RIN2: variants seen among roughly 807,000 people sequenced by gnomAD.
RIN2 encodes the protein RAB5 interacting protein 2.
A neutral mutation model predicts 78.0 loss-of-function variants in RIN2; 36 were observed. That is an observed-to-expected ratio of 0.46 (90% CI 0.35 to 0.61). The LOEUF is 0.61. Among genes scored for constraint, RIN2 ranks in the 20% least tolerant of loss-of-function variants. The pLI is 0.00. For missense variants in RIN2, 1,087 were observed against 1,159.7 expected (o/e 0.94, Z 0.91); for synonymous variants, 466 against 466.8 (o/e 1.00, Z 0.02).
rs202076384 is a variant in RIN2, at chr20:20,000,875, T to C, written c.2627T>C (p.Ile876Thr). 1,602 of 1,613,948 alleles carry C rather than the reference T, an allele frequency of 9.9e-4. No homozygotes were observed. The highest frequency in any genetic ancestry group is 1.2e-3 in the Non-Finnish European group (1,405 of 1,179,892). ...ATCTTCCACTTTGTCTACAAACGCA[T>C]CAAGAACGATCCTTATGGCATCATT... Reference protein sequence around the residue: ...PHIFHFVYKRIKNDPYGIIFQ... With the variant: ...PHIFHFVYKRTKNDPYGIIFQ... The change falls in exon 13 of 13, where the codon ATC becomes ACC. Residue 876 changes from isoleucine to threonine, a missense_variant. Coordinates refer to ENST00000255006, the MANE Select transcript of RIN2 (RefSeq NM_018993.4).
At chr20:19,851,321 G>A (rs1241508298) in intron 2 of RIN2, among the ~76,000 whole-genome samples, 1 of 152,144 alleles carries the variant, frequency 6.6e-6, no homozygotes, top group Non-Finnish European at 1.5e-5. Flanking sequence ...GATTTGCAGT[G>A]TCAGGGGTTC....
At chr20:19,990,397 A>G (rs1462573275) in intron 10 of RIN2, 86 bp downstream of exon 10, 1 of 1,302,954 alleles carries the variant, frequency 7.7e-7, no homozygotes, top group African/African-American at 1.5e-5. Context: ...TCTGATTCCC[A>G]ATTTCTCCTC....
At chr20:19,788,847 T>C (rs764650153) in intron 1 of RIN2, among the ~76,000 whole-genome samples, 1 of 152,232 alleles carries the variant, frequency 6.6e-6, no homozygotes, top group Non-Finnish European at 1.5e-5. Flanking sequence ...CCCAAAGTGA[T>C]CTACGGACTC....
chr20:19,834,475 C>A (rs1371170088), intron 2 of RIN2, among the ~76,000 whole-genome samples: 2 of 152,134 alleles, frequency 1.3e-5, no homozygotes, highest in African/African-American at 4.8e-5. Flanking sequence ...TTCAGCCCCA[C>A]AGCTGCAACC....
intron 3 of RIN2, 93 bp downstream of exon 3, chr20:19,889,751 G>T (rs1035488706): frequency 3.0e-6 from 3 of 1,013,960 alleles, no homozygotes; most frequent in Non-Finnish European, 4.2e-6. Context: ...AGGGAAGTCT[G>T]CTCTCTGAGC....
chr20:19,897,929 G>A (rs114565073), intron 3 of RIN2, among the ~76,000 whole-genome samples: 1,756 of 152,140 alleles, frequency 0.012, 33 homozygotes, highest in African/African-American at 0.04. Flanking sequence ...GCCCCGTCTG[G>A]TCTTGAACTC....
chr20:19,860,370 G>A (rs981913343), intron 2 of RIN2, among the ~76,000 whole-genome samples: 7 of 151,922 alleles, frequency 4.6e-5, no homozygotes, highest in African/African-American at 1.7e-4. Context: ...TGCTCAGGCT[G>A]GAGTGCAGTG....
At chr20:19,851,254 C>A (rs376201401) in intron 2 of RIN2, among the ~76,000 whole-genome samples, 121 of 152,084 alleles carry the variant, frequency 8.0e-4, no homozygotes, top group African/African-American at 2.9e-3. Flanking sequence ...GGGAAGGGAC[C>A]CCAGTGGTGT....
chr20:19,777,879 G>A (rs1441656763), intron 1 of RIN2, among the ~76,000 whole-genome samples: 2 of 152,178 alleles, frequency 1.3e-5, no homozygotes, highest in Admixed American at 6.5e-5. Flanking sequence ...CCACCAAAAT[G>A]TAATTGAATT....
At chr20:19,973,352 C>A (rs1223649596) in intron 8 of RIN2, among the ~76,000 whole-genome samples, 1 of 152,154 alleles carries the variant, frequency 6.6e-6, no homozygotes, top group Non-Finnish European at 1.5e-5. Flanking sequence ...GGATAGATTA[C>A]ATAAGGCAGG....
At chr20:19,849,244 C>A (rs1751337765) in intron 2 of RIN2, among the ~76,000 whole-genome samples, 1 of 152,212 alleles carries the variant, frequency 6.6e-6, no homozygotes, top group African/African-American at 2.4e-5. Flanking sequence ...ATTTTGCCAT[C>A]TGAATATAGA....
At chr20:19,928,825 G>A (rs536216603) in intron 3 of RIN2, among the ~76,000 whole-genome samples, 1 of 152,036 alleles carries the variant, frequency 6.6e-6, no homozygotes, top group Non-Finnish European at 1.5e-5. Context: ...GAAGTCCCCA[G>A]CCAGGCCAGC....
intron 2 of RIN2, among the ~76,000 whole-genome samples, chr20:19,863,162 G>A (rs1315991280): frequency 3.9e-5 from 6 of 152,182 alleles, no homozygotes; most frequent in Non-Finnish European, 8.8e-5. Flanking sequence ...GTATACATGT[G>A]CAGCCTGTCA....
In RIN2 at chr20:20,002,182, A is replaced by G. The variant is rs921815417; in HGVS notation, c.*1246A>G. ...CAGTGAAATTAAACTTATGTTAAAT[A>G]AAACCAGTTTGCAGGTGCACAAACT... On this transcript the variant is annotated 3_prime_UTR_variant, in exon 13 of 13. Coordinates refer to ENST00000255006, the MANE Select transcript of RIN2 (RefSeq NM_018993.4). 6 of 152,284 alleles carry G rather than the reference A, an allele frequency of 3.9e-5. No homozygotes were observed. The highest frequency in any genetic ancestry group is 6.5e-5 in the Admixed American group (1 of 15,284). 9.4% of individuals were successfully genotyped at this position (152,284 alleles called of 1,614,324 possible). A position where few individuals can be genotyped will look rare whatever the true frequency, so the allele number is the denominator to read the frequency against.
Position 19,844,608 on chromosome 20 carries a change from T to G in RIN2, c.-37+44861T>G, listed in dbSNP as rs1162073392. Among the ~76,000 whole-genome samples, 94 of 37,440 alleles carry G rather than the reference T, an allele frequency of 2.5e-3. 1 individual carries two copies. Among genetic ancestry groups the G allele is most frequent in the African/African-American group, 9.3e-3 (88 of 9,432 alleles). 24.6% of individuals were successfully genotyped at this position (37,440 alleles called of 152,430 possible). A position where few individuals can be genotyped will look rare whatever the true frequency, so the allele number is the denominator to read the frequency against. On this transcript the variant is annotated intron_variant, in intron 2 of 12. Transcript: ENST00000255006. ...TGCTGCTGCTGCTTCTTCCTCTTCT[T>G]CTTCTTCTTCTTCTTCTTCTTCTTC...
intron 1 of RIN2, among the ~76,000 whole-genome samples, chr20:19,798,319 AGAG>A (rs1461207766): frequency 1.3e-5 from 2 of 152,110 alleles, no homozygotes; most frequent in Non-Finnish European, 2.9e-5. Context: ...TTCTCAAGGA[AGAG>A]GAGAGGGACA....
rs6136884 is a variant in RIN2, at chr20:19,920,991, G to T, written c.58-14108G>T. Among the ~76,000 whole-genome samples, 116 of 31,886 alleles carry T rather than the reference G, an allele frequency of 3.6e-3. 1 individual carries two copies. The highest frequency in any genetic ancestry group is 0.026 in the East Asian group (6 of 230). The allele number at this position is 31,886 out of a possible 152,430, so 20.9% of individuals were successfully genotyped here. On this transcript the variant is annotated intron_variant, in intron 3 of 12. Coordinates refer to ENST00000255006, the MANE Select transcript of RIN2 (RefSeq NM_018993.4). ...CCCAGCCGAAACAGTTTTTTGGGTT[G>T]TTTGTTTGTTTGTTTGTTTGTTTTT...
At chr20:19,889,000 C>A (rs979672820) in intron 2 of RIN2, 1 of 388,972 alleles carries the variant, frequency 2.6e-6, no homozygotes, top group Non-Finnish European at 3.5e-6. Context: ...TGTCCTCTTC[C>A]GTGAACTGAT....
intron 9 of RIN2, among the ~76,000 whole-genome samples, chr20:19,980,044 CAAAAAAAAAA>C (rs56268489): frequency 1.4e-5 from 1 of 72,704 alleles, no homozygotes. Flanking sequence ...AACTCCATCT[CAAAAAAAAAA>C]AAAAAAAAAA....
Sources: gnomAD v4.1 joint callset for allele counts (sites outside exome capture counted in the v4.1 genomes callset) on GRCh38, gnomAD v4.1.1 for gene constraint, MANE v1.5 for transcripts, NCBI Gene and HGNC (gene_info 2026-07-23, HGNC 2026-07-21) for gene names.